BTK: variants seen among roughly 807,000 people sequenced by gnomAD.
BTK encodes Bruton tyrosine kinase, also known as tyrosine-protein kinase BTK.
BTK carries 5 observed loss-of-function variants against 57.4 expected under a neutral mutation model. That is an observed-to-expected ratio of 0.09 (90% CI 0.05 to 0.18). The LOEUF is 0.18. Ranked by LOEUF, BTK falls within the 10% of genes least tolerant of loss-of-function variation. The pLI, the probability that BTK is intolerant of heterozygous loss-of-function variation, is 1.00. For missense variants in BTK, 194 were observed against 501.2 expected (o/e 0.39, Z 5.85); for synonymous variants, 154 against 174.3 (o/e 0.88, Z 0.92).
rs2147435125 is a variant in BTK at position 101,362,217 on chromosome X, G to A, written c.544C>T (p.Arg182Trp). The change falls in exon 7 of 19, where the codon CGG (arginine) becomes TGG (tryptophan). Residue 182 changes from arginine to tryptophan, a missense_variant. By Grantham distance (101) the Arg-to-Trp change is moderately radical. Coordinates refer to ENST00000308731, the MANE Select transcript of BTK (RefSeq NM_000061.3). ...NGSLKPGSSH[R>W]KTKKPLPPTP... The stretch of plus-strand genomic sequence containing the variant: ...GGGGGAAGAGGCTTTTTTGTCTTCC[G>A]GTGAGAACTCCCAGGTTTTAAGCCT... 2.5e-6 allele frequency: 3 copies of A among 1,211,662 alleles called. No homozygotes were observed. Among genetic ancestry groups the A allele is most frequent in the Non-Finnish European group, 3.4e-6 (3 of 895,414 alleles).
chrX:101,384,180 T>C (rs1171404217), intron 1 of BTK, among the ~76,000 whole-genome samples: 1 of 111,964 alleles, frequency 8.9e-6, no homozygotes, highest in Non-Finnish European at 1.9e-5. Flanking sequence ...TCTAGTCCAC[T>C]GAAAGGAAAC....
chrX:101,358,008 ACTGAGG>A, intron 12 of BTK: 1 of 432,153 alleles, frequency 2.3e-6, no homozygotes, highest in Non-Finnish European at 4.2e-6. Context: ...CTCCTCTAGA[ACTGAGG>A]AAATCGCTGA....
intron 7 of BTK, among the ~76,000 whole-genome samples, chrX:101,361,477 T>C (rs7053244): frequency 0.33 from 33,760 of 103,237 alleles, 6,685 homozygotes; most frequent in African/African-American, 0.69. Flanking sequence ...ACTTACAATA[T>C]GTGAGAAAGG....
intron 5 of BTK, among the ~76,000 whole-genome samples, chrX:101,363,719 A>G (rs1481955016): frequency 9.2e-6 from 1 of 108,227 alleles, no homozygotes; most frequent in East Asian, 2.9e-4. Context: ...AAAAAAAAAA[A>G]AAAAGAAAAG....
chrX:101,382,433 T>C (rs5951305), intron 1 of BTK, among the ~76,000 whole-genome samples: 3,405 of 110,341 alleles, frequency 0.031, 118 homozygotes, highest in African/African-American at 0.094. Flanking sequence ...TTCAAGCAAT[T>C]CTCTTGCCTC....
intron 5 of BTK, among the ~76,000 whole-genome samples, chrX:101,366,611 G>A (rs782308161): frequency 8.9e-6 from 1 of 112,165 alleles, no homozygotes; most frequent in East Asian, 2.8e-4. Flanking sequence ...ACCTGGGACT[G>A]TCCTGGGATT....
upstream of BTK, chrX:101,390,390 G>A: frequency 6.2e-6 from 3 of 482,577 alleles, no homozygotes; most frequent in Non-Finnish European, 1.1e-5. Flanking sequence ...TCAACAGAAG[G>A]GTGCTGCTTT....
chrX:101,352,162 CA>C (rs35710840), intron 18 of BTK, among the ~76,000 whole-genome samples: 2,206 of 53,640 alleles, frequency 0.041, 43 homozygotes, highest in African/African-American at 0.1. Flanking sequence ...GACTCGGTCT[CA>C]AAAAAAAAAA....
At chrX:101,375,977 T>TGG (rs60553058) in intron 1 of BTK, among the ~76,000 whole-genome samples, 1 of 103,444 alleles carries the variant, frequency 9.7e-6, no homozygotes, top group African/African-American at 3.5e-5. Flanking sequence ...TGGGTTTTGG[T>TGG]GGGGGGGGGG....
chrX:101,372,956 C>T (rs1379144529), intron 3 of BTK, among the ~76,000 whole-genome samples: 6 of 106,959 alleles, frequency 5.6e-5, no homozygotes, highest in Non-Finnish European at 1.2e-4. Context: ...TGGTGGTGGG[C>T]GCCTGTAGTC....
chrX:101,385,915 G>A (rs1307805967), intron 1 of BTK, 147 bp downstream of exon 1: 1 of 111,295 alleles, frequency 9.0e-6, no homozygotes, highest in Admixed American at 9.5e-5. Context: ...GACTGCCAGG[G>A]CCTTGTGCTG....
At chrX:101,390,708 G>A (rs1555983154), upstream of BTK, 1 of 462,452 alleles carries the variant, frequency 2.2e-6, no homozygotes, top group Non-Finnish European at 3.8e-6. Context: ...CCTCGGGGAC[G>A]GGGAGGCCAG....
Position 101,356,061 on chromosome X carries a change from G to A in BTK, c.1557C>T (p.His519=). The A allele has an allele frequency of 8.3e-7, 1 of 1,210,956 alleles. No individual in the cohort carries two copies. The highest frequency in any genetic ancestry group is 1.1e-6 in the Non-Finnish European group (1 of 895,028). Residue 519 remains histidine (H), a synonymous_variant, in exon 15 of 19, where the codon CAC becomes CAT. Coordinates refer to ENST00000308731, the MANE Select transcript of BTK (RefSeq NM_000061.3). ...MEYLESKQFL[H]RDLAARNCLV... ...CCTTCTAAGGTCCCACCAGGTCTCG[G>A]TGAAGGAACTGCTTTGACTCCAGGT...
intron 5 of BTK, among the ~76,000 whole-genome samples, chrX:101,363,654 C>T (rs5951302): frequency 9.5e-6 from 1 of 104,918 alleles, no homozygotes; most frequent in Non-Finnish European, 2.0e-5. Flanking sequence ...TGCAGTGAGC[C>T]GAGATCGCGC....
At chrX:101,387,491 A>G (rs1208476792), upstream of BTK, among the ~76,000 whole-genome samples, 1 of 107,298 alleles carries the variant, frequency 9.3e-6, no homozygotes, top group Non-Finnish European at 1.9e-5. Context: ...ACCTGGGACT[A>G]TAGGCACACA....
upstream of BTK, among the ~76,000 whole-genome samples, chrX:101,387,507 G>A (rs1347982437): frequency 1.8e-5 from 2 of 108,237 alleles, no homozygotes; most frequent in Non-Finnish European, 3.8e-5. Context: ...ACACATCACT[G>A]TGCTGGGCTA....
At position 101,358,478 on chromosome X, in the gene BTK, G is replaced by A. The variant is rs782372310; in HGVS notation, c.975-41C>T. The A allele has an allele frequency of 5.9e-5, 71 of 1,208,338 alleles. No homozygotes were observed. In the South Asian group the frequency reaches 1.1e-3, roughly 19 times the overall value. On this transcript the variant is annotated intron_variant, in intron 11 of 18. Transcript: ENST00000308731. ...CTTAGTCAGTAACTTGGGCACAAAGGTCAACAGAACCCAGGAAGTGAAGTG... is the reference window on the plus strand; with the variant it reads ...CTTAGTCAGTAACTTGGGCACAAAGATCAACAGAACCCAGGAAGTGAAGTG...
At chrX:101,355,612 T>C (rs2147426775) in intron 15 of BTK, 2 of 124,336 alleles carry the variant, frequency 1.6e-5, no homozygotes, top group Non-Finnish European at 3.3e-5. Flanking sequence ...GAAATGTTTC[T>C]TTTTAAGGGT....
chrX:101,370,712 A>T (rs782003362), intron 4 of BTK, among the ~76,000 whole-genome samples: 3 of 112,326 alleles, frequency 2.7e-5, no homozygotes, highest in South Asian at 7.4e-4. Flanking sequence ...GCTAGGTGTT[A>T]CGAAGATGCA....
Sources: allele counts gnomAD v4.1 joint callset (sites outside exome capture counted in the v4.1 genomes callset), GRCh38; gene constraint gnomAD v4.1.1; transcripts MANE v1.5; gene names NCBI Gene and HGNC (gene_info 2026-07-23, HGNC 2026-07-21).